Variants in TMEM233 observed in about 807,000 individuals in gnomAD.
TMEM233 encodes transmembrane protein 233.
A neutral mutation model predicts 11.2 loss-of-function variants in TMEM233; 6 were observed. The ratio of observed to expected loss-of-function variants is 0.54; its 90% CI spans 0.29 to 1.06. TMEM233 has a LOEUF of 1.06. TMEM233 is among the 50% of genes least tolerant of loss of function. TMEM233 has a pLI of 0.08. For missense variants in TMEM233, 127 were observed against 144.7 expected (o/e 0.88, Z 0.63); for synonymous variants, 59 against 55.8 (o/e 1.06, Z -0.26).
At chr12:119,596,938 T>C (rs546415304) in intron 1 of TMEM233, among the ~76,000 whole-genome samples, 2 of 152,318 alleles carry the variant, frequency 1.3e-5, no homozygotes, top group African/African-American at 4.8e-5. Flanking sequence ...ATGCAATAAT[T>C]GTCAGACAGA....
At chr12:119,643,444 C>G (rs973260012), downstream of TMEM233, among the ~76,000 whole-genome samples, 3 of 152,178 alleles carry the variant, frequency 2.0e-5, no homozygotes, top group African/African-American at 7.2e-5. Context: ...GCTAAGACTG[C>G]CCCTGCTCCA....
Position 119,640,941 on chromosome 12 carries a change from AAGAAAAC to A in TMEM233, c.*243_*249del. ...AAAGTCATTGATTTGTAAAAATGAAAAGAAAACAGAAAAAAGAAAAATGAAGTCTCAC... is the reference window on the plus strand; with the variant it reads ...AAAGTCATTGATTTGTAAAAATGAAAAGAAAAAAGAAAAATGAAGTCTCAC... On this transcript the variant is annotated 3_prime_UTR_variant, in exon 3 of 3. Transcript: ENST00000426426. 4.0e-6 allele frequency: 2 copies of A among 504,624 alleles called. No individual in the cohort carries two copies. The highest frequency in any genetic ancestry group is 7.1e-5 in the South Asian group (2 of 28,112). 31.3% of individuals were successfully genotyped at this position (504,624 alleles called of 1,614,324 possible).
chr12:119,618,342 C>T (rs1954576491), intron 1 of TMEM233, among the ~76,000 whole-genome samples: 1 of 152,206 alleles, frequency 6.6e-6, no homozygotes, highest in Non-Finnish European at 1.5e-5. Context: ...CAGTAGTAGC[C>T]TCCACACAAG....
the TMEM233 span, among the ~76,000 whole-genome samples, chr12:119,653,142 C>G: frequency 6.6e-6 from 1 of 151,914 alleles, no homozygotes; most frequent in East Asian, 1.9e-4. Flanking sequence ...ACCTATAATC[C>G]CAGCACTTTG....
intron 1 of TMEM233, among the ~76,000 whole-genome samples, chr12:119,599,174 C>T (rs1487690049): frequency 6.6e-6 from 1 of 152,166 alleles, no homozygotes; most frequent in Admixed American, 6.5e-5. Context: ...ACCTGTTTTG[C>T]TCCCACCCCT....
chr12:119,615,202 A>T (rs1001052110), intron 1 of TMEM233, among the ~76,000 whole-genome samples: 7 of 110,366 alleles, frequency 6.3e-5, no homozygotes, highest in Non-Finnish European at 9.4e-5. Context: ...AAAAAAAAAA[A>T]AAAACTGCCT....
At chr12:119,615,206 A>AAAAAAAAAAAAAAAAAAAAAAAAGC in intron 1 of TMEM233, among the ~76,000 whole-genome samples, 1 of 120,668 alleles carries the variant, frequency 8.3e-6, no homozygotes, top group African/African-American at 3.1e-5. Flanking sequence ...AAAAAAAAAA[A>AAAAAAAAAAAAAAAAAAAAAAAAGC]CTGCCTCCTC....
intron 1 of TMEM233, among the ~76,000 whole-genome samples, chr12:119,613,759 G>T (rs1033206546): frequency 5.3e-5 from 8 of 152,134 alleles, no homozygotes; most frequent in African/African-American, 1.9e-4. Context: ...AGGCTGCACT[G>T]AGCTATGATT....
chr12:119,626,484 A>AAAG (rs1555266819), intron 1 of TMEM233, among the ~76,000 whole-genome samples: 38,414 of 112,060 alleles, frequency 0.34, 10,757 homozygotes, highest in Middle Eastern at 0.43. Context: ...AAAAAAAAAA[A>AAAG]AAGAAGAAAA....
chr12:119,603,042 T>C (rs7955433), intron 1 of TMEM233, among the ~76,000 whole-genome samples: 114,919 of 152,042 alleles, frequency 0.76, 43,580 homozygotes, highest in Middle Eastern at 0.86. Context: ...ACCACCTGAG[T>C]GCAGAAGCTC....
At chr12:119,636,110 C>T (rs1476211075) in intron 2 of TMEM233, among the ~76,000 whole-genome samples, 1 of 152,128 alleles carries the variant, frequency 6.6e-6, no homozygotes, top group African/African-American at 2.4e-5. Context: ...GGGGGTGGGA[C>T]TGGAAGTTCC....
At position 119,595,739 on chromosome 12, in the gene TMEM233, C is replaced by CT. The variant is rs1954032799; in HGVS notation, c.186+1706dup. Reference sequence around the variant, plus strand: ...CTCAAATGTCACTTCATGAGGCCTTCTGTGATTACTGTTTAAAATCAGGAC... The same window carrying CT: ...CTCAAATGTCACTTCATGAGGCCTTCTTGTGATTACTGTTTAAAATCAGGAC... On this transcript the variant is annotated intron_variant, in intron 1 of 2. Transcript: ENST00000426426. The surrounding 1 kb of genome is among the most constrained non-coding windows in gnomAD (Gnocchi z 4.3). Among the ~76,000 whole-genome samples, 1 of 152,188 alleles carries CT rather than the reference C, an allele frequency of 6.6e-6. No individual in the cohort carries two copies.
rs1954030923 is a variant in TMEM233 at position 119,595,679 on chromosome 12, A to G, written c.186+1645A>G. Among the ~76,000 whole-genome samples the G allele has an allele frequency of 6.6e-6, 1 of 152,168 alleles. No individual in the cohort carries two copies. Among genetic ancestry groups the G allele is most frequent in the Non-Finnish European group, 1.5e-5 (1 of 68,038 alleles). On this transcript the variant is annotated intron_variant, in intron 1 of 2. Coordinates refer to ENST00000426426, the MANE Select transcript of TMEM233 (RefSeq NM_001136534.3). The surrounding 1 kb of genome is among the most constrained non-coding windows in gnomAD (Gnocchi z 4.3). ...CATAAATAATTGTAAAGTGCTTAGA[A>G]CAGTGACCAGCACGGTATCTTTACA... is the stretch of plus-strand genomic sequence containing the variant.
intron 1 of TMEM233, among the ~76,000 whole-genome samples, chr12:119,610,572 TCC>T (rs1415063036): frequency 2.6e-5 from 4 of 151,986 alleles, no homozygotes. Context: ...GGGGGTGGTT[TCC>T]CCCATGCTGT....
chr12:119,645,330 A>AAAAAAAC (rs1284051710), downstream of TMEM233, among the ~76,000 whole-genome samples: 2 of 151,816 alleles, frequency 1.3e-5, no homozygotes, highest in African/African-American at 4.8e-5. Flanking sequence ...CAAAAAAAAA[A>AAAAAAAC]AAAAAAAAAT....
intron 1 of TMEM233, among the ~76,000 whole-genome samples, chr12:119,604,238 C>T (rs1466800663): frequency 6.6e-6 from 1 of 152,168 alleles, no homozygotes; most frequent in African/African-American, 2.4e-5. Flanking sequence ...GTGGTGATAA[C>T]AAATTTTACC....
rs1236008086 is a variant in TMEM233, at chr12:119,642,141, G to A, written c.*1436G>A. The A allele has an allele frequency of 6.6e-6, 1 of 152,196 alleles. No individual in the cohort carries two copies. The highest frequency in any genetic ancestry group is 2.4e-5 in the African/African-American group (1 of 41,436). 9.4% of individuals were successfully genotyped at this position (152,196 alleles called of 1,614,324 possible). A position where few individuals can be genotyped will look rare whatever the true frequency, so the allele number is the denominator to read the frequency against. ...AAAGAATTAATGTCAGAAAGATGGT[G>A]ATAATGAAGCAAAAGAAAGGCAGAT... On this transcript the variant is annotated 3_prime_UTR_variant, in exon 3 of 3. Coordinates refer to ENST00000426426, the MANE Select transcript of TMEM233 (RefSeq NM_001136534.3).
At chr12:119,653,433 G>A in the TMEM233 span, among the ~76,000 whole-genome samples, 1 of 148,876 alleles carries the variant, frequency 6.7e-6, no homozygotes, top group African/African-American at 2.5e-5. Flanking sequence ...AACATGTGAA[G>A]GAGCAGGAAA....
intron 1 of TMEM233, among the ~76,000 whole-genome samples, chr12:119,621,027 C>T (rs944431906): frequency 3.4e-5 from 5 of 147,750 alleles, no homozygotes; most frequent in African/African-American, 1.2e-4. Flanking sequence ...ACTACAGGTA[C>T]ATGCCACCAT....
Sources: gnomAD v4.1 joint callset for allele counts (sites outside exome capture counted in the v4.1 genomes callset) on GRCh38, gnomAD v4.1.1 for gene constraint, Gnocchi (gnomAD v3.1) non-coding constraint, MANE v1.5 for transcripts, NCBI Gene and HGNC (gene_info 2026-07-23, HGNC 2026-07-21) for gene names.